HOXB6: variants seen among roughly 807,000 people sequenced by gnomAD.
HOXB6 encodes the protein homeobox protein Hox-B6.
A neutral mutation model predicts 24.2 loss-of-function variants in HOXB6; 18 were observed. The ratio of observed to expected loss-of-function variants is 0.74; its 90% CI spans 0.51 to 1.10. The LOEUF is 1.10. Ranked by LOEUF, HOXB6 falls within the 50% of genes least tolerant of loss-of-function variation. HOXB6 has a pLI of 0.00. For synonymous variants in HOXB6, 159 were observed against 139.1 expected (o/e 1.14, Z -1.01); for missense variants, 332 against 308.3 (o/e 1.08, Z -0.58).
In HOXB6 at chr17:48,596,403, T is replaced by G; in HGVS notation, c.*10A>C. 1 of 1,614,196 alleles carries G rather than the reference T, an allele frequency of 6.2e-7. No homozygotes were observed. Among genetic ancestry groups the G allele is most frequent in the Non-Finnish European group, 8.5e-7 (1 of 1,180,022 alleles). Reference sequence around the variant, plus strand: ...TTTCCCCTCGCGTCCTCCCTCCCTTTCCAGCACCTTCACTCGGCCTGTTTT... The same window carrying G: ...TTTCCCCTCGCGTCCTCCCTCCCTTGCCAGCACCTTCACTCGGCCTGTTTT... On this transcript the variant is annotated 3_prime_UTR_variant, in exon 4 of 4. Coordinates refer to ENST00000225648, the MANE Select transcript of HOXB6 (RefSeq NM_018952.5). This position sits in a 1 kb window ranked among gnomAD's most constrained non-coding sequence, Gnocchi z 4.8.
rs2070294016 is a variant in HOXB6 at position 48,596,442 on chromosome 17, C to T, written c.646G>A (p.Glu216Lys). ...TCGGCCTGTTTTTCTTCCTCCTCCT[C>T]GGCACTGAGCTGAGACGCGCTGAGC... The part of the protein sequence containing the change: ...KLLSASQLSA[E>K]EEEEKQAE Residue 216 changes from glutamate to lysine, a missense_variant, in exon 4 of 4, where the codon GAG (glutamate) becomes AAG (lysine). Physicochemically the swap from Glu to Lys is moderately conservative, Grantham distance 56. Transcript: ENST00000225648. This position sits in a 1 kb window ranked among gnomAD's most constrained non-coding sequence, Gnocchi z 4.8. 6.2e-7 allele frequency: 1 copy of T among 1,614,140 alleles called. No homozygotes were observed. The highest frequency in any genetic ancestry group is 1.3e-5 in the African/African-American group (1 of 74,954).
chr17:48,597,705 C>A, intron 3 of HOXB6, 31 bp downstream of exon 3: 1 of 1,607,202 alleles, frequency 6.2e-7, no homozygotes, highest in Admixed American at 1.7e-5. Flanking sequence ...CCAGGGGAGC[C>A]GGGGCGACGG....
chr17:48,596,105 T>C lies in HOXB6; in HGVS notation c.*308A>G. 1 of 585,924 alleles carries C rather than the reference T, an allele frequency of 1.7e-6. No individual in the cohort carries two copies. The highest frequency in any genetic ancestry group is 3.2e-6 in the Non-Finnish European group (1 of 310,568). The allele number at this position is 585,924 out of a possible 1,614,324, so 36.3% of individuals were successfully genotyped here. A position where few individuals can be genotyped will look rare whatever the true frequency, so the allele number is the denominator to read the frequency against. On this transcript the variant is annotated 3_prime_UTR_variant, in exon 4 of 4. Transcript: ENST00000225648. This position sits in a 1 kb window ranked among gnomAD's most constrained non-coding sequence, Gnocchi z 4.8. The stretch of plus-strand genomic sequence containing the variant: ...CGACAGGGACAAGAGCATTTTGCTC[T>C]GCTTCCAGGAAACATCAAGTGAGTC...
intron 2 of HOXB6, among the ~76,000 whole-genome samples, chr17:48,600,991 CGTGTGTGTGTGTGT>C (rs58180060): frequency 3.4e-5 from 5 of 145,660 alleles, no homozygotes; most frequent in Admixed American, 6.9e-5. Flanking sequence ...GGGATATTTG[CGTGTGTGTGTGTGT>C]GTGTGTGTGT....
chr17:48,601,859 C>T, intron 2 of HOXB6: 1 of 253,716 alleles, frequency 3.9e-6, no homozygotes, highest in Non-Finnish European at 8.0e-6. Flanking sequence ...CCTCCTACGG[C>T]TTGAAAGCCC....
At chr17:48,602,120 C>A in intron 2 of HOXB6, 1 of 456,114 alleles carries the variant, frequency 2.2e-6, no homozygotes, top group Non-Finnish European at 4.4e-6. Context: ...GGGATCGGCA[C>A]TCACTTGCAG....
intron 3 of HOXB6, 139 bp downstream of exon 3, chr17:48,597,597 C>T: frequency 1.1e-6 from 1 of 945,772 alleles, no homozygotes; most frequent in Non-Finnish European, 1.6e-6. Flanking sequence ...CGGCCGGCGC[C>T]CAATCTTCTT....
chr17:48,600,426 A>G (rs1376204931), intron 2 of HOXB6: 1 of 455,058 alleles, frequency 2.2e-6, no homozygotes. Flanking sequence ...CACAGCCCCC[A>G]AATTAACCTC....
Position 48,598,285 on chromosome 17 carries a change from G to A in HOXB6, c.-78-57C>T, listed in dbSNP as rs374411067. The stretch of plus-strand genomic sequence containing the variant: ...GCTGAGGGGGGATGGCGAGGTGCCA[G>A]TGAGGGCCAGAAGGAAATACAACCA... On this transcript the variant is annotated intron_variant, in intron 2 of 3. Coordinates refer to ENST00000225648, the MANE Select transcript of HOXB6 (RefSeq NM_018952.5). The A allele has an allele frequency of 1.6e-5, 14 of 864,152 alleles. No homozygotes were observed. The South Asian group carries it at 2.0e-4, about 12-fold the overall frequency. The allele number at this position is 864,152 out of a possible 1,614,324, so 53.5% of individuals were successfully genotyped here.
intron 2 of HOXB6, among the ~76,000 whole-genome samples, chr17:48,603,353 G>T (rs2070513591): frequency 6.6e-6 from 1 of 152,002 alleles, no homozygotes; most frequent in Non-Finnish European, 1.5e-5. Flanking sequence ...AATGTTCTCC[G>T]CCCTCCCCAC....
In HOXB6 at chr17:48,597,783, C is replaced by G. The variant is rs745936794; in HGVS notation, c.368G>C (p.Cys123Ser). 1 of 1,612,364 alleles carries G rather than the reference C, an allele frequency of 6.2e-7. No homozygotes were observed. The highest frequency in any genetic ancestry group is 8.5e-7 in the Non-Finnish European group (1 of 1,179,298). The change falls in exon 3 of 4, where the codon TGC becomes TCC. Residue 123 changes from cysteine to serine, a missense_variant. Physicochemically the swap from Cys to Ser is moderately radical, Grantham distance 112. Transcript: ENST00000225648. ...CATCCACGGGTAGACCGGAGTGGAG[C>G]ACTTCTGCTCTTCTGTCTCGCCGAA... ...SVFGETEEQK[C>S]STPVYPWMQR...
rs2070286561 is a variant in HOXB6 at position 48,596,275 on chromosome 17, C to T, written c.*138G>A. ...GTGCGGGCGGGGGCGTCCAGGAGAGCGCTGGGCCCCGCCTGTCTGCGCCGG... is the reference window on the plus strand; with the variant it reads ...GTGCGGGCGGGGGCGTCCAGGAGAGTGCTGGGCCCCGCCTGTCTGCGCCGG... On this transcript the variant is annotated 3_prime_UTR_variant, in exon 4 of 4. Transcript: ENST00000225648. The surrounding 1 kb of genome is among the most constrained non-coding windows in gnomAD (Gnocchi z 4.8). 1.5e-6 allele frequency: 2 copies of T among 1,367,610 alleles called. No homozygotes were observed. The highest frequency in any genetic ancestry group is 1.2e-5 in the South Asian group (1 of 85,008). 84.7% of individuals were successfully genotyped at this position (1,367,610 alleles called of 1,614,324 possible). A position where few individuals can be genotyped will look rare whatever the true frequency, so the allele number is the denominator to read the frequency against.
chr17:48,600,566 G>C (rs569320280), intron 2 of HOXB6: 1 of 454,758 alleles, frequency 2.2e-6, no homozygotes, highest in Admixed American at 2.4e-5. Flanking sequence ...GCGTTTATTC[G>C]TCTGATCCGT....
At chr17:48,603,514 T>A (rs975096575) in intron 2 of HOXB6, among the ~76,000 whole-genome samples, 2 of 152,250 alleles carry the variant, frequency 1.3e-5, no homozygotes, top group African/African-American at 4.8e-5. Context: ...TTCTCTTTTA[T>A]TTTTATTTAC....
Position 48,597,927 on chromosome 17 carries a change from C to CG in HOXB6, c.223_224insC (p.Gly75AlafsTer241). On this transcript the variant is annotated frameshift_variant, in exon 3 of 4. Coordinates refer to ENST00000225648, the MANE Select transcript of HOXB6 (RefSeq NM_018952.5). LOFTEE classifies it high-confidence loss of function. ...CTCGCGGTAGAAGGCCGGCGCCGGC[C>CG]CGTAGTCGCAGGGCGCCGCTCGGCC... 1 of 1,574,674 alleles carries CG rather than the reference C, an allele frequency of 6.4e-7. No homozygotes were observed. Among genetic ancestry groups the CG allele is most frequent in the South Asian group, 1.2e-5 (1 of 86,748 alleles).
Position 48,596,883 on chromosome 17 carries a change from A to G in HOXB6, c.416-211T>C. ...CGTCTGTCTAGACTCTAGATGGGGG[A>G]GGGGAGGAGCAGTTTGAACTCCCAC... On this transcript the variant is annotated intron_variant, in intron 3 of 3. Transcript: ENST00000225648. This position sits in a 1 kb window ranked among gnomAD's most constrained non-coding sequence, Gnocchi z 4.8. The G allele has an allele frequency of 8.1e-7, 1 of 1,229,224 alleles. No homozygotes were observed. Among genetic ancestry groups the G allele is most frequent in the South Asian group, 1.6e-5 (1 of 63,918 alleles). 76.1% of individuals were successfully genotyped at this position (1,229,224 alleles called of 1,614,324 possible).
intron 2 of HOXB6, among the ~76,000 whole-genome samples, 190 bp from the exon 3 acceptor site, chr17:48,598,418 TTTC>T (rs2070375748): frequency 6.6e-6 from 1 of 151,974 alleles, no homozygotes. Flanking sequence ...CCTTTTTTTT[TTTC>T]CTCCTTCTCC....
At position 48,596,330 on chromosome 17, in the gene HOXB6, G is replaced by A; in HGVS notation, c.*83C>T. 2 of 1,602,286 alleles carry A rather than the reference G, an allele frequency of 1.2e-6. No homozygotes were observed. The highest frequency in any genetic ancestry group is 2.2e-5 in the East Asian group (1 of 44,788). Reference sequence around the variant, plus strand: ...CAGGTCTCCTGGCTCCCCCACCCGAGAGCCTTCCTTCCCGGGTCTCTCTGA... The same window carrying A: ...CAGGTCTCCTGGCTCCCCCACCCGAAAGCCTTCCTTCCCGGGTCTCTCTGA... On this transcript the variant is annotated 3_prime_UTR_variant, in exon 4 of 4. Coordinates refer to ENST00000225648, the MANE Select transcript of HOXB6 (RefSeq NM_018952.5). The surrounding 1 kb of genome is among the most constrained non-coding windows in gnomAD (Gnocchi z 4.8).
intron 2 of HOXB6, chr17:48,602,372 G>GC: frequency 5.4e-6 from 2 of 371,672 alleles, no homozygotes; most frequent in Non-Finnish European, 1.1e-5. Context: ...CCTCTCCCGC[G>GC]CCTTGGTGGG....
Sources: allele counts gnomAD v4.1 joint callset (sites outside exome capture counted in the v4.1 genomes callset), GRCh38; gene constraint gnomAD v4.1.1; non-coding constraint Gnocchi (gnomAD v3.1); transcripts MANE v1.5; gene names NCBI Gene and HGNC (gene_info 2026-07-23, HGNC 2026-07-21).